MGST1: variants seen among roughly 807,000 people sequenced by gnomAD.
MGST1 encodes microsomal glutathione S-transferase 1.
MGST1 carries 5 observed loss-of-function variants against 8.9 expected under a neutral mutation model. The ratio of observed to expected loss-of-function variants is 0.56; its 90% CI spans 0.29 to 1.19. The LOEUF is 1.19. Among genes scored for constraint, MGST1 ranks in the 50% most tolerant of loss-of-function variants. The pLI, the probability that MGST1 is intolerant of heterozygous loss-of-function variation, is 0.08. For synonymous variants in MGST1, 54 were observed against 67.8 expected (o/e 0.80, Z 1.00); for missense variants, 182 against 187.4 (o/e 0.97, Z 0.17).
intron 1 of MGST1, among the ~76,000 whole-genome samples, chr12:16,384,472 C>T (rs1437010121): frequency 6.6e-6 from 1 of 152,054 alleles, no homozygotes; most frequent in Non-Finnish European, 1.5e-5. Flanking sequence ...AGCCCCAAGC[C>T]AAGGAATGCC....
chr12:16,493,165 A>T (rs1271657281), intron 4 of MGST1, among the ~76,000 whole-genome samples: 1 of 152,226 alleles, frequency 6.6e-6, no homozygotes, highest in Non-Finnish European at 1.5e-5. Context: ...AGTGGAACAG[A>T]GAGTAAATCT....
rs533516670 is a variant in MGST1 at position 16,433,190 on chromosome 12, T to A, written n.779-4198T>A. On this transcript the variant is annotated intron_variant and non_coding_transcript_variant, in intron 1 of 1. Coordinates refer to the MGST1 transcript ENST00000359720. ...GGGAGAAAGATGCAGGCTGGGAGGC[T>A]TAGCCAGTCTAATCTTTCTACGTTC... Among the ~76,000 whole-genome samples, 56 of 152,168 alleles carry A rather than the reference T, an allele frequency of 3.7e-4. No individual in the cohort carries two copies. In the South Asian group the frequency reaches 0.011, roughly 30 times the overall value.
intron 4 of MGST1, among the ~76,000 whole-genome samples, chr12:16,535,533 C>G (rs1236462058): frequency 6.6e-6 from 1 of 152,176 alleles, no homozygotes; most frequent in Admixed American, 6.5e-5. Context: ...AGTCAAACTA[C>G]ACAAACACCA....
intron 4 of MGST1, among the ~76,000 whole-genome samples, chr12:16,510,046 G>C (rs754402480): frequency 2.0e-5 from 3 of 152,168 alleles, no homozygotes; most frequent in South Asian, 2.1e-4. Flanking sequence ...TGCTGGCATA[G>C]AGTAAGTCCT....
chr12:16,399,120 G>A (rs962896938), intron 1 of MGST1, among the ~76,000 whole-genome samples: 8 of 152,108 alleles, frequency 5.3e-5, no homozygotes, highest in East Asian at 3.9e-4. Context: ...GGAATGCTCC[G>A]AGTAGATTGG....
At position 16,363,799 on chromosome 12, in the gene MGST1, C is replaced by G; in HGVS notation, c.226C>G (p.His76Asp). 6.3e-7 allele frequency: 1 copy of G among 1,599,248 alleles called. No individual in the cohort carries two copies. Among genetic ancestry groups the G allele is most frequent in the Non-Finnish European group, 8.6e-7 (1 of 1,168,614 alleles). ...DDRVERVRRAHLNDLENIIPF... is the reference protein window; with the variant it reads ...DDRVERVRRADLNDLENIIPF... The stretch of plus-strand genomic sequence containing the variant: ...AATAGTTATCTTTTTCCACAGAGCC[C>G]ACCTGAATGACCTTGAAAATATTAT... Residue 76 changes from histidine (H) to aspartate (D), a missense_variant, in exon 4 of 4, where the codon CAC becomes GAC. Transcript: ENST00000396210. The surrounding 1 kb of genome is among the most constrained non-coding windows in gnomAD (Gnocchi z 4.6).
intron 4 of MGST1, among the ~76,000 whole-genome samples, chr12:16,572,337 CTCTTTTT>C (rs1361937907): frequency 1.0e-5 from 1 of 99,686 alleles, no homozygotes; most frequent in Admixed American, 1.1e-4. Flanking sequence ...GTGGTCCAAA[CTCTTTTT>C]TTTTTTTTTT....
downstream of MGST1, among the ~76,000 whole-genome samples, chr12:16,368,256 A>G (rs140209242): frequency 9.7e-4 from 148 of 152,332 alleles, no homozygotes; most frequent in African/African-American, 3.3e-3. Context: ...GCCCAGTCCT[A>G]GGGAATCCTG....
intron 4 of MGST1, among the ~76,000 whole-genome samples, chr12:16,543,289 A>AT (rs1011344045): frequency 2.8e-4 from 42 of 152,010 alleles, no homozygotes; most frequent in African/African-American, 9.9e-4. Context: ...CTCAAAACAA[A>AT]TTTTTTTTGA....
chr12:16,374,680 C>T (rs186812301), intron 3 of MGST1, among the ~76,000 whole-genome samples: 4 of 151,870 alleles, frequency 2.6e-5, no homozygotes, highest in South Asian at 2.1e-4. Context: ...TAATAGCAAG[C>T]GAATGCAAAT....
In MGST1 at chr12:16,482,959, T is replaced by C. The variant is rs1425602059; in HGVS notation, n.482+99355T>C. Among the ~76,000 whole-genome samples the C allele has an allele frequency of 6.6e-6, 1 of 152,224 alleles. No homozygotes were observed. The highest frequency in any genetic ancestry group is 1.5e-5 in the Non-Finnish European group (1 of 68,028). ...TCATGAGTCCTCCAAGTAAGACTAA[T>C]GTAGGCAAGAATGTTACTTTTGGAA... On this transcript the variant is annotated intron_variant and non_coding_transcript_variant, in intron 4 of 4. Coordinates refer to the MGST1 transcript ENST00000538857. The surrounding 1 kb of genome is among the most constrained non-coding windows in gnomAD (Gnocchi z 4.2).
chr12:16,474,438 T>G (rs1017633112), intron 4 of MGST1, among the ~76,000 whole-genome samples: 1 of 152,206 alleles, frequency 6.6e-6, no homozygotes, highest in East Asian at 1.9e-4. Context: ...CTTATTGGAT[T>G]TCATTCAATT....
intron 4 of MGST1, among the ~76,000 whole-genome samples, chr12:16,515,610 A>G (rs1941607712): frequency 6.7e-6 from 1 of 150,162 alleles, no homozygotes; most frequent in Non-Finnish European, 1.5e-5. Flanking sequence ...AGCCTGGGCA[A>G]CAAGAGCGAA....
chr12:16,465,950 T>G (rs1941251791), intron 4 of MGST1, among the ~76,000 whole-genome samples: 1 of 152,192 alleles, frequency 6.6e-6, no homozygotes, highest in Non-Finnish European at 1.5e-5. Context: ...CTTTGGCCCT[T>G]TTTTCTTTGT....
exon 2 of MGST1, chr12:16,437,489 T>C (rs1357716002): frequency 6.6e-6 from 1 of 151,862 alleles, no homozygotes. Flanking sequence ...CATTCTGCAG[T>C]CTTCATGGGT....
chr12:16,522,191 G>A (rs575022289), intron 4 of MGST1, among the ~76,000 whole-genome samples: 47 of 152,242 alleles, frequency 3.1e-4, no homozygotes, highest in Admixed American at 5.9e-4. Context: ...GGGGATTGGA[G>A]CAGAGGGCAT....
chr12:16,581,394 C>T (rs1943154403), intron 4 of MGST1, among the ~76,000 whole-genome samples: 1 of 152,090 alleles, frequency 6.6e-6, no homozygotes, highest in African/African-American at 2.4e-5. Context: ...TTCCCAAGGG[C>T]TAGAGGAGAT....
chr12:16,420,110 C>A (rs1170692040), intron 1 of MGST1, among the ~76,000 whole-genome samples: 1 of 152,266 alleles, frequency 6.6e-6, no homozygotes, highest in East Asian at 1.9e-4. Flanking sequence ...TTTAGCTTTA[C>A]ATATATGAAT....
chr12:16,502,665 A>C (rs1299907174), intron 4 of MGST1, among the ~76,000 whole-genome samples: 1 of 152,246 alleles, frequency 6.6e-6, no homozygotes, highest in African/African-American at 2.4e-5. Flanking sequence ...GAAGTCAAAC[A>C]AAGAAAATGT....
Sources: allele counts gnomAD v4.1 joint callset (sites outside exome capture counted in the v4.1 genomes callset), GRCh38; gene constraint gnomAD v4.1.1; non-coding constraint Gnocchi (gnomAD v3.1); transcripts MANE v1.5; gene names NCBI Gene and HGNC (gene_info 2026-07-23, HGNC 2026-07-21).